MYO16: variants seen among roughly 807,000 people sequenced by gnomAD.
MYO16 encodes the protein myosin XVI.
Under a neutral mutation model 205.3 loss-of-function variants are expected in MYO16, and 94 were observed. That is an observed-to-expected ratio of 0.46 (90% CI 0.39 to 0.54). The LOEUF (loss-of-function observed/expected upper bound fraction) is 0.54. Among genes scored for constraint, MYO16 ranks in the 20% least tolerant of loss-of-function variants. MYO16 has a pLI of 0.00. For missense variants in MYO16, 2,315 were observed against 2,387.5 expected (o/e 0.97, Z 0.63); for synonymous variants, 988 against 954.0 (o/e 1.04, Z -0.66).
At chr13:108,523,013 C>T in the MYO16 span, among the ~76,000 whole-genome samples, 375 of 152,226 alleles carry the variant, frequency 2.5e-3, 2 homozygotes, top group African/African-American at 8.4e-3. Context: ...AGCCTCAATC[C>T]TTTCTACATA....
chr13:109,073,332 C>T (rs895990347), intron 27 of MYO16, among the ~76,000 whole-genome samples: 12 of 151,378 alleles, frequency 7.9e-5, no homozygotes, highest in Non-Finnish European at 1.5e-4. Context: ...AGGTTGGTCT[C>T]GAACTCCTGA....
At chr13:108,937,362 T>G (rs1315746508) in intron 16 of MYO16, among the ~76,000 whole-genome samples, 1 of 152,250 alleles carries the variant, frequency 6.6e-6, no homozygotes, top group Non-Finnish European at 1.5e-5. Context: ...TCATTTTATA[T>G]AATATCTCAC....
intron 13 of MYO16, among the ~76,000 whole-genome samples, chr13:108,887,768 C>G (rs1879970581): frequency 6.6e-6 from 1 of 152,156 alleles, no homozygotes; most frequent in Admixed American, 6.5e-5. Flanking sequence ...ATCTGAAGAC[C>G]TTACTGCCTT....
chr13:108,497,337 A>G, the MYO16 span, among the ~76,000 whole-genome samples: 1 of 152,206 alleles, frequency 6.6e-6, no homozygotes, highest in Non-Finnish European at 1.5e-5. Flanking sequence ...AAACCTGTCT[A>G]TTGGTCTTTT....
chr13:109,111,336 C>T (rs1889275941), intron 28 of MYO16, among the ~76,000 whole-genome samples: 1 of 152,166 alleles, frequency 6.6e-6, no homozygotes, highest in Non-Finnish European at 1.5e-5. Flanking sequence ...GACATCAGAA[C>T]ACATGAAAAG....
chr13:108,689,836 T>C (rs1882822470), intron 2 of MYO16, among the ~76,000 whole-genome samples: 3 of 152,300 alleles, frequency 2.0e-5, no homozygotes, highest in South Asian at 4.1e-4. Context: ...AAATAATCGA[T>C]TAATCAAGGA....
At position 108,699,112 on chromosome 13, in the gene MYO16, G is replaced by A. The variant is rs200456281; in HGVS notation, c.293-13549G>A. Among the ~76,000 whole-genome samples the A allele has an allele frequency of 5.8e-5, 8 of 138,386 alleles. No homozygotes were observed. The East Asian group carries it at 6.2e-4, about 11-fold the overall frequency. 90.8% of individuals were successfully genotyped at this position (138,386 alleles called of 152,430 possible). Reference sequence around the variant, plus strand: ...TCTCTCTCTCTATATATATATATATGTGTGTGTGTATATACACATATATAT... The same window carrying A: ...TCTCTCTCTCTATATATATATATATATGTGTGTGTATATACACATATATAT... On this transcript the variant is annotated intron_variant, in intron 2 of 34. Coordinates refer to ENST00000457511, the MANE Select transcript of MYO16 (RefSeq NM_001198950.3).
At chr13:108,517,706 C>A in the MYO16 span, among the ~76,000 whole-genome samples, 1 of 152,186 alleles carries the variant, frequency 6.6e-6, no homozygotes, top group Admixed American at 6.5e-5. Context: ...AATACTGCCT[C>A]AGTGTTTTGT....
chr13:108,639,961 G>A (rs1317393750), intron 1 of MYO16, among the ~76,000 whole-genome samples: 1 of 152,326 alleles, frequency 6.6e-6, no homozygotes, highest in East Asian at 1.9e-4. Context: ...GTTTCAGATG[G>A]GAAGAGCAGG....
rs558851506 is a variant in MYO16, at chr13:108,989,370, G to A, written c.2370-3006G>A. Among the ~76,000 whole-genome samples the A allele has an allele frequency of 2.9e-3, 440 of 152,092 alleles. 1 individual carries two copies. Among genetic ancestry groups the A allele is most frequent in the Non-Finnish European group, 4.8e-3 (329 of 67,960 alleles). Reference sequence around the variant, plus strand: ...TTATAAAAATATATGTTTCAATATAGAAACCTTAGAAAGTGGGGAATAGTT... The same window carrying A: ...TTATAAAAATATATGTTTCAATATAAAAACCTTAGAAAGTGGGGAATAGTT... On this transcript the variant is annotated intron_variant, in intron 20 of 34. Coordinates refer to ENST00000457511, the MANE Select transcript of MYO16 (RefSeq NM_001198950.3).
chr13:108,581,143 A>AT, the MYO16 span, among the ~76,000 whole-genome samples: 44,983 of 151,940 alleles, frequency 0.3, 6,800 homozygotes, highest in Middle Eastern at 0.33. Flanking sequence ...TTAGGATATT[A>AT]TTTTTGAGTA....
chr13:108,504,019 C>T, the MYO16 span, among the ~76,000 whole-genome samples: 1 of 151,976 alleles, frequency 6.6e-6, no homozygotes, highest in South Asian at 2.1e-4. Flanking sequence ...TGGTAAAAAA[C>T]ACAACAAAAT....
chr13:108,507,096 C>G, the MYO16 span, among the ~76,000 whole-genome samples: 1 of 152,112 alleles, frequency 6.6e-6, no homozygotes, highest in African/African-American at 2.4e-5. Flanking sequence ...TCATGTTGGG[C>G]AGCAGCAGTG....
intron 32 of MYO16, among the ~76,000 whole-genome samples, chr13:109,147,923 T>G (rs886226102): frequency 1.3e-5 from 2 of 152,120 alleles, no homozygotes; most frequent in African/African-American, 2.4e-5. Flanking sequence ...TATCACTAAG[T>G]GGACATTAAG....
chr13:108,678,584 G>T (rs114242292), intron 2 of MYO16, among the ~76,000 whole-genome samples: 29 of 152,238 alleles, frequency 1.9e-4, no homozygotes, highest in African/African-American at 7.0e-4. Flanking sequence ...TTTGTTGCCA[G>T]GCTCAGAGGG....
chr13:108,875,004 A>C (rs1879258683), intron 12 of MYO16, among the ~76,000 whole-genome samples: 1 of 152,126 alleles, frequency 6.6e-6, no homozygotes, highest in African/African-American at 2.4e-5. Context: ...TTAACATGGC[A>C]GGATTCTGCA....
intron 2 of MYO16, among the ~76,000 whole-genome samples, chr13:108,668,569 C>T (rs966799236): frequency 3.3e-5 from 5 of 152,174 alleles, no homozygotes; most frequent in South Asian, 4.1e-4. Context: ...TTCCAGCTTC[C>T]GGAGGCCACC....
intron 4 of MYO16, among the ~76,000 whole-genome samples, chr13:108,746,124 T>C (rs944632057): frequency 1.3e-5 from 2 of 151,462 alleles, no homozygotes; most frequent in Non-Finnish European, 2.9e-5. Flanking sequence ...ACCCGGGAGG[T>C]GGGGCTTGCA....
intron 2 of MYO16, among the ~76,000 whole-genome samples, chr13:108,674,383 G>T (rs1882115724): frequency 6.6e-6 from 1 of 152,178 alleles, no homozygotes; most frequent in Non-Finnish European, 1.5e-5. Flanking sequence ...AGGGTATAAA[G>T]ATAGAAGGAG....
Sources: gnomAD v4.1 joint callset for allele counts (sites outside exome capture counted in the v4.1 genomes callset) on GRCh38, gnomAD v4.1.1 for gene constraint, MANE v1.5 for transcripts, NCBI Gene and HGNC (gene_info 2026-07-23, HGNC 2026-07-21) for gene names.